Variants in IRAK2 observed in about 807,000 individuals in gnomAD.
IRAK2 encodes interleukin 1 receptor associated kinase 2, also known as interleukin-1 receptor-associated kinase-like 2.
A neutral mutation model predicts 72.0 loss-of-function variants in IRAK2; 57 were observed. The observed-to-expected ratio is 0.79, with a 90% CI of 0.64 to 0.99. IRAK2 has a LOEUF of 0.99. IRAK2 is among the 50% of genes least tolerant of loss of function. The probability of loss-of-function intolerance (pLI) is 0.00; values close to 1 mark genes in which losing one functional copy is unlikely to be tolerated. For missense variants in IRAK2, 790 were observed against 794.4 expected (o/e 0.99, Z 0.07); for synonymous variants, 293 against 312.7 (o/e 0.94, Z 0.67).
intron 2 of IRAK2, among the ~76,000 whole-genome samples, chr3:10,189,187 C>G (rs1157522019): frequency 1.3e-5 from 2 of 152,176 alleles, no homozygotes; most frequent in African/African-American, 2.4e-5. Context: ...AGGATTTGAT[C>G]TCATCAGGGG....
At chr3:10,206,414 G>A (rs537790168) in intron 3 of IRAK2, among the ~76,000 whole-genome samples, 195 of 152,320 alleles carry the variant, frequency 1.3e-3, no homozygotes, top group Non-Finnish European at 2.1e-3. Flanking sequence ...CAGCAGCAGG[G>A]CAAAGATCCC....
intron 4 of IRAK2, among the ~76,000 whole-genome samples, chr3:10,210,022 T>C (rs1159446487): frequency 6.6e-6 from 1 of 152,030 alleles, no homozygotes; most frequent in Non-Finnish European, 1.5e-5. Context: ...CGGGTTCAAG[T>C]GATTCTCCTG....
chr3:10,215,751 T>TACACACACAC (rs145978380), intron 6 of IRAK2, among the ~76,000 whole-genome samples: 5,040 of 150,090 alleles, frequency 0.034, 119 homozygotes, highest in Non-Finnish European at 0.041. Flanking sequence ...CTCACATGTG[T>TACACACACAC]ACACACACAC....
At chr3:10,168,237 G>T (rs577326117) in intron 1 of IRAK2, among the ~76,000 whole-genome samples, 1 of 149,518 alleles carries the variant, frequency 6.7e-6, no homozygotes, top group South Asian at 2.1e-4. Context: ...TTGAGACAGA[G>T]TCTCGCTCTG....
At chr3:10,214,368 G>A (rs1275494566) in intron 6 of IRAK2, among the ~76,000 whole-genome samples, 1 of 150,378 alleles carries the variant, frequency 6.6e-6, no homozygotes, top group Non-Finnish European at 1.5e-5. Flanking sequence ...GGGACTACAG[G>A]TGTGCGCCCA....
chr3:10,226,990 A>C (rs1315284063), intron 10 of IRAK2, among the ~76,000 whole-genome samples: 1 of 151,248 alleles, frequency 6.6e-6, no homozygotes, highest in East Asian at 1.9e-4. Flanking sequence ...TATAGAAAGC[A>C]CTTGTATAAA....
chr3:10,192,906 G>A (rs1324367086), intron 2 of IRAK2, among the ~76,000 whole-genome samples: 3 of 152,120 alleles, frequency 2.0e-5, no homozygotes, highest in Non-Finnish European at 2.9e-5. Context: ...GCAACAGAGC[G>A]AGACTATAGC....
At chr3:10,211,788 G>A (rs945115569) in intron 4 of IRAK2, among the ~76,000 whole-genome samples, 2 of 151,910 alleles carry the variant, frequency 1.3e-5, no homozygotes, top group Admixed American at 1.3e-4. Context: ...TAAAAAAATT[G>A]AAATTTAGGC....
At chr3:10,197,914 C>G (rs915052901) in intron 2 of IRAK2, among the ~76,000 whole-genome samples, 10 of 145,564 alleles carry the variant, frequency 6.9e-5, no homozygotes, top group African/African-American at 2.5e-4. Flanking sequence ...GAAGAAGCCA[C>G]TCAGGCCGGG....
chr3:10,166,769 C>T (rs993610524), intron 1 of IRAK2, among the ~76,000 whole-genome samples: 2 of 152,190 alleles, frequency 1.3e-5, no homozygotes, highest in South Asian at 2.1e-4. Context: ...CTCAGCCTCC[C>T]GAGTAGCTGG....
intron 10 of IRAK2, among the ~76,000 whole-genome samples, chr3:10,229,802 T>TA (rs1375762580): frequency 2.0e-5 from 3 of 152,034 alleles, no homozygotes; most frequent in Non-Finnish European, 4.4e-5. Context: ...ATTCTTATTT[T>TA]AAAAAAATGA....
chr3:10,188,136 G>C (rs1481100795), intron 2 of IRAK2, among the ~76,000 whole-genome samples: 1 of 152,136 alleles, frequency 6.6e-6, no homozygotes, highest in Non-Finnish European at 1.5e-5. Context: ...TCAATGCTGA[G>C]CTCTAGAGCT....
chr3:10,240,482 C>T (rs1698035338), intron 12 of IRAK2, among the ~76,000 whole-genome samples: 1 of 145,686 alleles, frequency 6.9e-6, no homozygotes, highest in Non-Finnish European at 1.5e-5. Flanking sequence ...ACCTTCCATT[C>T]CTGCCACTCA....
rs56893916 is a variant in IRAK2, at chr3:10,218,423, C to CA, written c.904-1235dup. On this transcript the variant is annotated intron_variant, in intron 7 of 12. Coordinates refer to ENST00000256458, the MANE Select transcript of IRAK2 (RefSeq NM_001570.4). ...TGGGCGACAAAGTGAGACTCCGTCT[C>CA]AAAAAAAAAAAAAAAAAAAAAACCA... Among the ~76,000 whole-genome samples the CA allele has an allele frequency of 5.0e-3, 244 of 48,620 alleles. 1 individual carries two copies. The highest frequency in any genetic ancestry group is 0.018 in the East Asian group (32 of 1,770). 31.9% of individuals were successfully genotyped at this position (48,620 alleles called of 152,430 possible). A position where few individuals can be genotyped will look rare whatever the true frequency, so the allele number is the denominator to read the frequency against.
chr3:10,200,877 G>A lies in IRAK2; in HGVS notation c.424+362G>A, dbSNP rs947279227. Among the ~76,000 whole-genome samples the A allele has an allele frequency of 3.9e-5, 6 of 152,272 alleles. No homozygotes were observed. In the East Asian group the frequency reaches 1.2e-3, roughly 29 times the overall value. On this transcript the variant is annotated intron_variant, in intron 3 of 12. Transcript: ENST00000256458. ...GATCACACCACTGCACTCCAGCCTG[G>A]GTGACAGAGCGAGACTCTTCCTAAA...
chr3:10,232,169 C>G (rs1697872166), intron 10 of IRAK2, among the ~76,000 whole-genome samples: 1 of 152,204 alleles, frequency 6.6e-6, no homozygotes, highest in African/African-American at 2.4e-5. Flanking sequence ...ACAACCTCTC[C>G]CGCAATGCCC....
intron 2 of IRAK2, among the ~76,000 whole-genome samples, chr3:10,199,824 T>TATGTG (rs1347603129): frequency 6.6e-6 from 1 of 151,568 alleles, no homozygotes; most frequent in Non-Finnish European, 1.5e-5. Flanking sequence ...GAAGCAGGTG[T>TATGTG]ATGTGACTTA....
chr3:10,218,293 G>A (rs1304216965), intron 7 of IRAK2, among the ~76,000 whole-genome samples: 11 of 152,010 alleles, frequency 7.2e-5, no homozygotes, highest in South Asian at 2.1e-4. Context: ...GCGTGGTGGC[G>A]TGTGCCTGTA....
chr3:10,209,738 G>T (rs201985349), intron 4 of IRAK2, 46 bp downstream of exon 4: 9 of 1,190,798 alleles, frequency 7.6e-6, no homozygotes, highest in Middle Eastern at 4.1e-4. Flanking sequence ...GTCTCCCAGC[G>T]TGTAGTTCCC....
Sources: gnomAD v4.1 joint callset for allele counts (sites outside exome capture counted in the v4.1 genomes callset) on GRCh38, gnomAD v4.1.1 for gene constraint, MANE v1.5 for transcripts, NCBI Gene and HGNC (gene_info 2026-07-23, HGNC 2026-07-21) for gene names.